The following MMP26 variants were observed in gnomAD, a reference collection of about 807,000 sequenced individuals.
MMP26 encodes the protein matrix metalloproteinase-26.
Under a neutral mutation model 31.0 loss-of-function variants are expected in MMP26, and 33 were observed. The observed-to-expected ratio is 1.06, with a 90% CI of 0.81 to 1.42. The LOEUF is 1.42. Ranked by LOEUF, MMP26 falls within the 40% of genes most tolerant of loss-of-function variation. MMP26 has a pLI of 0.00. For synonymous variants in MMP26, 122 were observed against 114.9 expected, an observed-to-expected ratio of 1.06 and a Z score of -0.40; for missense variants, 347 against 316.1, an observed-to-expected ratio of 1.10 and a Z score of -0.74.
intron 2 of MMP26, among the ~76,000 whole-genome samples, chr11:4,947,369 A>G (rs567716491): frequency 8.0e-6 from 1 of 125,334 alleles, no homozygotes; most frequent in Non-Finnish European, 1.8e-5. Context: ...TTTTGTATTT[A>G]GTTACGCATC....
intron 2 of MMP26, among the ~76,000 whole-genome samples, chr11:4,931,733 T>C (rs77922434): frequency 1.3e-5 from 2 of 151,934 alleles, no homozygotes; most frequent in Admixed American, 1.3e-4. Context: ...CAGGAAGATA[T>C]GAAATTTAGT....
intron 2 of MMP26, among the ~76,000 whole-genome samples, chr11:4,898,899 A>C (rs1850755492): frequency 6.6e-6 from 1 of 150,606 alleles, no homozygotes; most frequent in Non-Finnish European, 1.5e-5. Context: ...AACAACTGTA[A>C]GAATGTGAAG....
chr11:4,756,796 G>A (rs905625172), intron 1 of MMP26: 3 of 148,566 alleles, frequency 2.0e-5, no homozygotes, highest in Non-Finnish European at 4.5e-5. Context: ...CTCGCTGCAA[G>A]TATAATGTTA....
chr11:4,813,587 T>C (rs1421177035), intron 2 of MMP26, among the ~76,000 whole-genome samples: 2 of 152,022 alleles, frequency 1.3e-5, no homozygotes, highest in East Asian at 3.9e-4. Context: ...GTTTTTATGG[T>C]GCTAGAACAA....
chr11:4,924,223 T>C (rs757634248), intron 2 of MMP26: 43 of 1,613,950 alleles, frequency 2.7e-5, no homozygotes, highest in Non-Finnish European at 3.5e-5. Flanking sequence ...CCAAGATAAC[T>C]GTCAGGTAGA....
chr11:4,790,987 T>C (rs1156289840), intron 2 of MMP26, among the ~76,000 whole-genome samples: 1 of 152,236 alleles, frequency 6.6e-6, no homozygotes, highest in Non-Finnish European at 1.5e-5. Flanking sequence ...TCGAAGTACA[T>C]TATGCTGCCT....
chr11:4,841,758 C>A (rs960908501), intron 2 of MMP26, among the ~76,000 whole-genome samples: 1 of 152,090 alleles, frequency 6.6e-6, no homozygotes, highest in African/African-American at 2.4e-5. Flanking sequence ...CATGGAGAAA[C>A]CCCGTCTCTA....
intron 1 of MMP26, among the ~76,000 whole-genome samples, chr11:4,740,921 G>T (rs1303649544): frequency 6.6e-6 from 1 of 152,132 alleles, no homozygotes; most frequent in African/African-American, 2.4e-5. Flanking sequence ...TTCTTGCCAA[G>T]ATGTATTGAA....
At chr11:4,973,662 G>C (rs1233464193) in intron 2 of MMP26, 1 of 169,042 alleles carries the variant, frequency 5.9e-6, no homozygotes, top group Non-Finnish European at 1.4e-5. Context: ...GAGAGGGATA[G>C]TCCCAGGTCA....
chr11:4,933,558 T>A (rs1374084059), intron 2 of MMP26, among the ~76,000 whole-genome samples: 2 of 11,312 alleles, frequency 1.8e-4, no homozygotes, highest in Non-Finnish European at 6.1e-4. Context: ...TGTTTTTTGT[T>A]TGTTTTGTTT....
chr11:4,831,548 T>G (rs190149462), intron 2 of MMP26, among the ~76,000 whole-genome samples: 44 of 152,298 alleles, frequency 2.9e-4, no homozygotes, highest in African/African-American at 9.9e-4. Context: ...TCTTTAAAAA[T>G]AGAAAAACCC....
chr11:4,977,532 A>G (rs927085518), intron 2 of MMP26, among the ~76,000 whole-genome samples: 7 of 152,156 alleles, frequency 4.6e-5, no homozygotes, highest in Non-Finnish European at 8.8e-5. Flanking sequence ...CCTGTCAGCT[A>G]TAACACTCTC....
At chr11:4,891,846 T>TATGTCAC (rs1850628383) in intron 2 of MMP26, among the ~76,000 whole-genome samples, 2 of 152,268 alleles carry the variant, frequency 1.3e-5, no homozygotes, top group South Asian at 4.1e-4. Context: ...GGAGACATAG[T>TATGTCAC]ATGTCACAGA....
chr11:4,748,686 T>G (rs190636048), intron 1 of MMP26, among the ~76,000 whole-genome samples: 1 of 139,808 alleles, frequency 7.2e-6, no homozygotes, highest in African/African-American at 3.3e-5. Context: ...AGACTTTTTT[T>G]AAAAAAAATA....
chr11:4,785,399 C>G (rs1848926879), intron 2 of MMP26, among the ~76,000 whole-genome samples: 1 of 152,126 alleles, frequency 6.6e-6, no homozygotes, highest in Non-Finnish European at 1.5e-5. Flanking sequence ...TCCTTGAACA[C>G]AGATAATTAA....
intron 1 of MMP26, among the ~76,000 whole-genome samples, chr11:4,719,999 G>A (rs1362128494): frequency 2.0e-5 from 3 of 152,138 alleles, no homozygotes; most frequent in Non-Finnish European, 4.4e-5. Flanking sequence ...TCTTATAAAC[G>A]AAATTTACCA....
At chr11:4,849,285 A>C in intron 2 of MMP26, 1 of 1,494,226 alleles carries the variant, frequency 6.7e-7, no homozygotes, top group South Asian at 1.3e-5. Flanking sequence ...CCAAATTTGC[A>C]TGAAACGTTC....
chr11:4,907,095 T>TAAAAAAAA (rs3065178), intron 2 of MMP26, among the ~76,000 whole-genome samples: 4,380 of 54,850 alleles, frequency 0.08, 467 homozygotes, highest in Non-Finnish European at 0.11. Flanking sequence ...AAACTCCCTC[T>TAAAAAAAA]AAAAAAAAAA....
intron 2 of MMP26, among the ~76,000 whole-genome samples, chr11:4,819,000 T>C (rs1465187797): frequency 6.6e-6 from 1 of 152,160 alleles, no homozygotes; most frequent in Non-Finnish European, 1.5e-5. Context: ...GAAGAGGTGT[T>C]GGTTAAAAAA....
Sources: gnomAD v4.1 joint callset for allele counts (sites outside exome capture counted in the v4.1 genomes callset) on GRCh38, gnomAD v4.1.1 for gene constraint, MANE v1.5 for transcripts, NCBI Gene and HGNC (gene_info 2026-07-23, HGNC 2026-07-21) for gene names.